ITGA7: variants seen among roughly 807,000 people sequenced by gnomAD.
ITGA7 encodes the protein integrin subunit alpha 7, also known as integrin alpha-7.
In ITGA7, 84 loss-of-function variants were observed where a neutral mutation model predicts 131.6. That is an observed-to-expected ratio of 0.64 (90% CI 0.54 to 0.77). The LOEUF (loss-of-function observed/expected upper bound fraction) is 0.77, where lower values mean the gene tolerates loss of function less well. Ranked by LOEUF, ITGA7 falls within the 30% of genes least tolerant of loss-of-function variation. The probability of loss-of-function intolerance (pLI) is 0.00; values close to 1 mark genes in which losing one functional copy is unlikely to be tolerated. For missense variants in ITGA7, 1,399 were observed against 1,482.9 expected, an observed-to-expected ratio of 0.94 and a Z score of 0.93; for synonymous variants, 548 against 600.7, an observed-to-expected ratio of 0.91 and a Z score of 1.28.
Position 55,698,539 on chromosome 12 carries a change from C to G in ITGA7, c.1036G>C (p.Glu346Gln), listed in dbSNP as rs1309549722. 1 of 1,614,138 alleles carries G rather than the reference C, an allele frequency of 6.2e-7. No individual in the cohort carries two copies. Among genetic ancestry groups the G allele is most frequent in the Non-Finnish European group, 8.5e-7 (1 of 1,180,020 alleles). ...GCACCCCCCAGCTCTTCTTGGCGCT[C>G]AAAGAAGTAGGGGGCACCCACTATC... ...DLIVGAPYFFERQEELGGAVY... is the reference protein window; with the variant it reads ...DLIVGAPYFFQRQEELGGAVY... Residue 346 changes from glutamate to glutamine, a missense_variant, in exon 7 of 25, where the codon GAG becomes CAG. Glu to Gln is a conservative substitution (Grantham distance 29, BLOSUM62 2). Coordinates refer to ENST00000257879, the MANE Select transcript of ITGA7 (RefSeq NM_002206.3).
chr12:55,685,445 G>A (rs1352808287), intron 24 of ITGA7, among the ~76,000 whole-genome samples, 157 bp from the exon 25 acceptor site: 1 of 152,148 alleles, frequency 6.6e-6, no homozygotes, highest in Non-Finnish European at 1.5e-5. Flanking sequence ...CACCCACGGT[G>A]CTCCCATCAG....
intron 20 of ITGA7, 83 bp from the exon 21 acceptor site, chr12:55,693,058 C>T (rs1223823272): frequency 2.0e-5 from 32 of 1,612,080 alleles, no homozygotes; most frequent in Middle Eastern, 1.7e-4. Context: ...CCGCCTTCCT[C>T]CTGCCCCATC....
upstream of ITGA7, among the ~76,000 whole-genome samples, chr12:55,714,765 C>T (rs529589180): frequency 8.8e-4 from 132 of 150,568 alleles, 2 homozygotes; most frequent in South Asian, 0.026. Flanking sequence ...TACATATATA[C>T]ACATATATAC....
At chr12:55,687,567 C>T (rs1870497038) in intron 24 of ITGA7, among the ~76,000 whole-genome samples, 1 of 142,902 alleles carries the variant, frequency 7.0e-6, no homozygotes, top group Non-Finnish European at 1.5e-5. Flanking sequence ...TCTCGGCTCA[C>T]TGCAACCCCA....
In ITGA7 at chr12:55,698,870, T is replaced by C; in HGVS notation, c.838A>G (p.Ser280Gly). ...GKGLVRAEEL[S>G]FVAGAPRANH... ...GCGCGGGGGGCTCCAGCCACAAAGC[T>C]CAGCTCTTCTGCACGCACCAGACCT... The change falls in exon 6 of 25, where the codon AGC becomes GGC. Residue 280 changes from serine to glycine, a missense_variant. Transcript: ENST00000257879. 6.2e-7 allele frequency: 1 copy of C among 1,613,880 alleles called. No homozygotes were observed. Among genetic ancestry groups the C allele is most frequent in the Non-Finnish European group, 8.5e-7 (1 of 1,179,938 alleles).
intron 2 of ITGA7, 26 bp downstream of exon 2, chr12:55,703,025 C>T (rs1364248908): frequency 3.1e-6 from 5 of 1,614,056 alleles, no homozygotes; most frequent in African/African-American, 1.3e-5. Flanking sequence ...ACACGCTTCC[C>T]CCACTCTGTT....
upstream of ITGA7, chr12:55,716,191 T>C (rs1385586079): frequency 6.2e-7 from 1 of 1,609,456 alleles, no homozygotes; most frequent in South Asian, 1.1e-5. Flanking sequence ...CGCAAGGAGC[T>C]GCAGGGTGAG....
Position 55,698,602 on chromosome 12 carries a change from G to A in ITGA7, c.999-26C>T. On this transcript the variant is annotated intron_variant, in intron 6 of 24. Transcript: ENST00000257879. The stretch of plus-strand genomic sequence containing the variant: ...CTATGGAGAGAGGGAAACATTCAGT[G>A]TGGGTCCTCCCTGGCCAGAGGAGCC... The A allele has an allele frequency of 1.9e-6, 3 of 1,613,998 alleles. No individual in the cohort carries two copies. In the South Asian group the frequency reaches 3.3e-5, roughly 18 times the overall value.
rs1283397936 is a variant in ITGA7 at position 55,698,566 on chromosome 12, G to A, written c.1009C>T (p.Leu337=). 3 of 1,614,128 alleles carry A rather than the reference G, an allele frequency of 1.9e-6. No homozygotes were observed. The Admixed American group carries it at 5.0e-5, about 27-fold the overall frequency. The change falls in exon 7 of 25, where the codon CTG becomes TTG. Residue 337 remains leucine, a synonymous_variant. Coordinates refer to ENST00000257879, the MANE Select transcript of ITGA7 (RefSeq NM_002206.3). ...ADLNSDGWPD[L]IVGAPYFFER... is the part of the protein sequence containing the mutation. ...AAGAAGTAGGGGGCACCCACTATCA[G>A]GTCTGGCCAGCTATGGAGAGAGGGA...
At chr12:55,700,092 A>G (rs1873637851) in intron 4 of ITGA7, 103 bp from the exon 5 acceptor site, 1 of 1,469,656 alleles carries the variant, frequency 6.8e-7, no homozygotes, top group East Asian at 2.3e-5. Context: ...TGGAAGAAGA[A>G]GAGGTGGAGA....
chr12:55,685,809 C>A (rs575041407), intron 24 of ITGA7, among the ~76,000 whole-genome samples: 6 of 152,342 alleles, frequency 3.9e-5, no homozygotes, highest in African/African-American at 1.4e-4. Context: ...TAAATGAGGA[C>A]CATGCTGGCC....
At position 55,688,941 on chromosome 12, in the gene ITGA7, G is replaced by C. The variant is rs142361411; in HGVS notation, c.2861C>G (p.Thr954Arg). The C allele has an allele frequency of 3.1e-6, 5 of 1,613,722 alleles. No homozygotes were observed. In the Admixed American group the frequency reaches 6.7e-5, roughly 22 times the overall value. The stretch of plus-strand genomic sequence containing the variant: ...GCAGCTGAACACCACACAGTTGGCC[G>C]TGCCCCGGGCGCAGTCCTAGGGATA... Reference protein sequence around the residue: ...KNITLDCARGTANCVVFSCPL... With the variant: ...KNITLDCARGRANCVVFSCPL... Residue 954 changes from threonine (T) to arginine (R), a missense_variant, in exon 22 of 25, where the codon ACG becomes AGG. Transcript: ENST00000257879.
At chr12:55,712,926 T>C (rs1019960750), upstream of ITGA7, among the ~76,000 whole-genome samples, 1 of 152,090 alleles carries the variant, frequency 6.6e-6, no homozygotes, top group Non-Finnish European at 1.5e-5. Context: ...ATTGTGAAAA[T>C]GTCAGGCAGT....
At chr12:55,709,643 T>C (rs1189710319), upstream of ITGA7, among the ~76,000 whole-genome samples, 1 of 151,932 alleles carries the variant, frequency 6.6e-6, no homozygotes, top group Admixed American at 6.6e-5. Flanking sequence ...ATTGCAAAAT[T>C]AGGACAGAAC....
At chr12:55,712,058 C>T, upstream of ITGA7, 4 of 1,550,922 alleles carry the variant, frequency 2.6e-6, no homozygotes, top group Non-Finnish European at 3.5e-6. Context: ...TTTTACTTCA[C>T]TCACCTCTCC....
chr12:55,691,765 G>A (rs1871473008), intron 21 of ITGA7, among the ~76,000 whole-genome samples: 2 of 152,172 alleles, frequency 1.3e-5, no homozygotes, highest in African/African-American at 4.8e-5. Context: ...ATCCCCTGAC[G>A]TTCTTCAGTT....
In ITGA7 at chr12:55,694,759, C is replaced by T; in HGVS notation, c.2196+19G>A. The T allele has an allele frequency of 6.2e-7, 1 of 1,614,116 alleles. No individual in the cohort carries two copies. The highest frequency in any genetic ancestry group is 8.5e-7 in the Non-Finnish European group (1 of 1,179,984). ...GGAGCCCCTCAAGACCCCACCCCAT[C>T]CTGCCCCCAGGTCCTCACCGCAGGG... On this transcript the variant is annotated intron_variant, in intron 15 of 24. Coordinates refer to ENST00000257879, the MANE Select transcript of ITGA7 (RefSeq NM_002206.3). The surrounding 1 kb of genome is among the most constrained non-coding windows in gnomAD (Gnocchi z 5.3).
At position 55,698,434 on chromosome 12, in the gene ITGA7, A is replaced by G. The variant is rs1206504665; in HGVS notation, c.1141T>C (p.Phe381Leu). The change falls in exon 7 of 25, where the codon TTC becomes CTC. Residue 381 changes from phenylalanine (F) to leucine (L), a missense_variant. Coordinates refer to ENST00000257879, the MANE Select transcript of ITGA7 (RefSeq NM_002206.3). ...CCCAGGACAGCCAGGCTGATCCCGA[A>G]CATGGAGTCAGGGGAGCCGCAGAGC... ...LRLCGSPDSM[F>L]GISLAVLGDL... 1.9e-6 allele frequency: 3 copies of G among 1,613,578 alleles called. No homozygotes were observed. Among genetic ancestry groups the G allele is most frequent in the African/African-American group, 2.7e-5 (2 of 74,864 alleles).
At chr12:55,711,976 T>A, upstream of ITGA7, 1 of 1,084,864 alleles carries the variant, frequency 9.2e-7, no homozygotes, top group Non-Finnish European at 1.4e-6. Flanking sequence ...CCACCTCATC[T>A]GGCAACAGAG....
Sources: gnomAD v4.1 joint callset for allele counts (sites outside exome capture counted in the v4.1 genomes callset) on GRCh38, gnomAD v4.1.1 for gene constraint, Gnocchi (gnomAD v3.1) non-coding constraint, MANE v1.5 for transcripts, NCBI Gene and HGNC (gene_info 2026-07-23, HGNC 2026-07-21) for gene names.